AKT2: variants seen among roughly 807,000 people sequenced by gnomAD.
The protein encoded by AKT2 is AKT serine/threonine kinase 2.
In AKT2, 16 loss-of-function variants were observed where a neutral mutation model predicts 58.6. The ratio of observed to expected loss-of-function variants is 0.27; its 90% CI spans 0.18 to 0.41. The LOEUF (loss-of-function observed/expected upper bound fraction) is 0.41. AKT2 is among the 10% of genes least tolerant of loss of function. AKT2 has a pLI of 1.00. For synonymous variants in AKT2, 253 were observed against 254.0 expected (o/e 1.00, Z 0.04); for missense variants, 438 against 661.0 (o/e 0.66, Z 3.70).
intron 1 of AKT2, among the ~76,000 whole-genome samples, chr19:40,267,642 G>A (rs1976455492): frequency 6.6e-6 from 1 of 152,202 alleles, no homozygotes; most frequent in African/African-American, 2.4e-5. Context: ...CATGAAGAAA[G>A]AGGCCAAGTG....
intron 4 of AKT2, among the ~76,000 whole-genome samples, chr19:40,249,655 G>A (rs1385731221): frequency 1.3e-5 from 2 of 152,224 alleles, no homozygotes; most frequent in Non-Finnish European, 2.9e-5. Flanking sequence ...AGGGCATCTG[G>A]GGCCCTCCCT....
Position 40,238,160 on chromosome 19 carries a change from C to A in AKT2, c.709-69G>T. On this transcript the variant is annotated intron_variant, in intron 8 of 13. Transcript: ENST00000392038. This position sits in a 1 kb window ranked among gnomAD's most constrained non-coding sequence, Gnocchi z 5.1. ...ACCCACCTGCCCTCACCTTCCCAGC[C>A]CCCTGCCCCAGCGCAGTGATGTGGT... 1 of 1,544,008 alleles carries A rather than the reference C, an allele frequency of 6.5e-7. No individual in the cohort carries two copies. Among genetic ancestry groups the A allele is most frequent in the Non-Finnish European group, 8.7e-7 (1 of 1,143,738 alleles).
chr19:40,258,245 G>GAAAAAA (rs56202522), intron 2 of AKT2, among the ~76,000 whole-genome samples: 2 of 41,086 alleles, frequency 4.9e-5, no homozygotes, highest in African/African-American at 1.7e-4. Flanking sequence ...ACTCCGTCTC[G>GAAAAAA]AAAAAAAAAA....
At chr19:40,257,689 C>T (rs1225537521) in intron 2 of AKT2, among the ~76,000 whole-genome samples, 1 of 152,090 alleles carries the variant, frequency 6.6e-6, no homozygotes, top group East Asian at 1.9e-4. Context: ...CAAAAACTTA[C>T]ACACAAATGT....
At chr19:40,251,750 C>G (rs1279013925) in intron 4 of AKT2, among the ~76,000 whole-genome samples, 1 of 152,150 alleles carries the variant, frequency 6.6e-6, no homozygotes, top group East Asian at 1.9e-4. Flanking sequence ...GGAGAAGTTA[C>G]TAGTAAACAA....
chr19:40,259,832 A>G (rs779037789), intron 2 of AKT2, among the ~76,000 whole-genome samples: 5 of 152,256 alleles, frequency 3.3e-5, no homozygotes, highest in Non-Finnish European at 7.3e-5. Flanking sequence ...GTTCAGCATC[A>G]TTAGTCATCT....
At chr19:40,283,900 T>C (rs143194929) in intron 1 of AKT2, among the ~76,000 whole-genome samples, 1 of 151,944 alleles carries the variant, frequency 6.6e-6, no homozygotes, top group African/African-American at 2.4e-5. Context: ...TGGTGGGGAG[T>C]GTAAACATGA....
At chr19:40,270,228 T>A (rs1976611577) in intron 1 of AKT2, among the ~76,000 whole-genome samples, 2 of 152,152 alleles carry the variant, frequency 1.3e-5, no homozygotes, top group Admixed American at 1.3e-4. Context: ...TCACCACCGA[T>A]GTTACTGTAT....
At chr19:40,246,116 C>G (rs8100018) in intron 4 of AKT2, among the ~76,000 whole-genome samples, 109,080 of 149,930 alleles carry the variant, frequency 0.73, 39,883 homozygotes, top group African/African-American at 0.79. Flanking sequence ...AAAGCAGGGG[C>G]CGGGGACAGG....
chr19:40,274,685 G>A, intron 1 of AKT2: 1 of 256,314 alleles, frequency 3.9e-6, no homozygotes, highest in Non-Finnish European at 7.9e-6. Flanking sequence ...AGGTGAGAGA[G>A]CCGGGGGAGA....
At chr19:40,268,498 T>C (rs1568564771) in intron 1 of AKT2, 1 of 152,246 alleles carries the variant, frequency 6.6e-6, no homozygotes, top group Admixed American at 6.5e-5. Context: ...CCATGGAGTC[T>C]CTCCTGAATG....
At chr19:40,276,345 CTTTTTTTTTTTTTTTTT>C (rs748551877) in intron 1 of AKT2, among the ~76,000 whole-genome samples, 90 of 58,512 alleles carry the variant, frequency 1.5e-3, no homozygotes, top group South Asian at 3.6e-3. Flanking sequence ...AAAATGGAAT[CTTTTTTTTTTTTTTTTT>C]TTTTTTTTTT....
intron 4 of AKT2, among the ~76,000 whole-genome samples, chr19:40,251,302 A>G (rs1229069780): frequency 6.6e-6 from 1 of 152,222 alleles, no homozygotes; most frequent in Non-Finnish European, 1.5e-5. Flanking sequence ...TGTCACAACT[A>G]CTTAACCCAG....
intron 9 of AKT2, chr19:40,236,642 G>A (rs192646225): frequency 2.0e-4 from 108 of 543,212 alleles, no homozygotes; most frequent in African/African-American, 1.6e-3. Flanking sequence ...TCCACCCACC[G>A]TCCCCATTGT....
Position 40,238,029 on chromosome 19 carries a change from T to C in AKT2, c.771A>G (p.Ala257=). The C allele has an allele frequency of 6.2e-7, 1 of 1,612,284 alleles. No homozygotes were observed. The highest frequency in any genetic ancestry group is 1.1e-5 in the South Asian group (1 of 90,654). The part of the protein sequence containing the change: ...FTEERARFYG[A]EIVSALEYLH... Reference sequence around the variant, plus strand: ...AGTACTCAAGAGCCGAGACAATCTCTGCACCATAAAACCGGGCCCGCTCCT... The same window carrying C: ...AGTACTCAAGAGCCGAGACAATCTCCGCACCATAAAACCGGGCCCGCTCCT... Residue 257 remains alanine (A), a synonymous_variant, in exon 9 of 14, where the codon GCA becomes GCG. Transcript: ENST00000392038. The surrounding 1 kb of genome is among the most constrained non-coding windows in gnomAD (Gnocchi z 5.1).
At chr19:40,240,415 C>A (rs886291444) in intron 6 of AKT2, 4 of 583,556 alleles carry the variant, frequency 6.9e-6, no homozygotes, top group African/African-American at 5.6e-5. Flanking sequence ...ATCACGAGAG[C>A]CCCGAGGTGC....
intron 4 of AKT2, among the ~76,000 whole-genome samples, chr19:40,250,680 T>C (rs925057084): frequency 2.5e-4 from 38 of 151,742 alleles, no homozygotes; most frequent in Non-Finnish European, 2.9e-5. Flanking sequence ...ATACAAAAAT[T>C]AGCCTGGTGT....
intron 1 of AKT2, 144 bp downstream of exon 1, chr19:40,285,036 AC>A (rs1466688173): frequency 8.2e-6 from 2 of 244,924 alleles, no homozygotes; most frequent in Non-Finnish European, 1.5e-5. Context: ...CCGCTCGGCC[AC>A]CCCCACTCAG....
intron 4 of AKT2, among the ~76,000 whole-genome samples, chr19:40,251,408 T>C (rs1465324442): frequency 6.6e-6 from 1 of 152,124 alleles, no homozygotes; most frequent in East Asian, 1.9e-4. Flanking sequence ...GGCAGGGCCA[T>C]AGTTTGCCAA....
Sources: allele counts gnomAD v4.1 joint callset (sites outside exome capture counted in the v4.1 genomes callset), GRCh38; gene constraint gnomAD v4.1.1; non-coding constraint Gnocchi (gnomAD v3.1); transcripts MANE v1.5; gene names NCBI Gene and HGNC (gene_info 2026-07-23, HGNC 2026-07-21).